The following ABR variants were observed in gnomAD, a reference collection of about 807,000 sequenced individuals.
ABR encodes the protein active breakpoint cluster region-related protein.
Under a neutral mutation model 107.2 loss-of-function variants are expected in ABR, and 35 were observed. The ratio of observed to expected loss-of-function variants is 0.33; its 90% CI spans 0.25 to 0.43. ABR has a LOEUF of 0.43. Among genes scored for constraint, ABR ranks in the 20% least tolerant of loss-of-function variants. ABR has a pLI of 1.00. For missense variants in ABR, 815 were observed against 1,115.2 expected, an observed-to-expected ratio of 0.73 and a Z score of 3.83; for synonymous variants, 498 against 462.0, an observed-to-expected ratio of 1.08 and a Z score of -1.00.
Position 1,032,659 on chromosome 17 carries a change from C to T in ABR, c.1791+17391G>A, listed in dbSNP as rs183910672. Among the ~76,000 whole-genome samples the T allele has an allele frequency of 1.2e-3, 182 of 149,818 alleles. 3 individuals carry two copies. Among genetic ancestry groups the T allele is most frequent in the African/African-American group, 4.1e-3 (168 of 41,084 alleles). ...GGCAACCACCCGTGTCCGTGCTGGG[C>T]GCCTTGAGAGAGAGAAGAACTTGTT... is the stretch of plus-strand genomic sequence containing the variant. On this transcript the variant is annotated intron_variant, in intron 16 of 22. Transcript: ENST00000302538.
In ABR at chr17:1,210,119, G is replaced by A. The variant is rs765351027; in HGVS notation, c.838+18674C>T. 9.2e-5 allele frequency among the ~76,000 whole-genome samples: 14 copies of A among 152,318 alleles called. No individual in the cohort carries two copies. Among genetic ancestry groups the A allele is most frequent in the Non-Finnish European group, 2.1e-4 (14 of 68,038 alleles). On this transcript the variant is annotated intron_variant, in intron 1 of 22. Transcript: ENST00000574139. The surrounding 1 kb of genome is among the most constrained non-coding windows in gnomAD (Gnocchi z 5.6). Reference sequence around the variant, plus strand: ...ACGGCTGATCTCTTAGAGAGACAGGGAGAAAGTAGAGGTAGAAAGTAACAG... The same window carrying A: ...ACGGCTGATCTCTTAGAGAGACAGGAAGAAAGTAGAGGTAGAAAGTAACAG...
intron 6 of ABR, chr17:1,079,058 G>A: frequency 7.0e-7 from 1 of 1,433,350 alleles, no homozygotes; most frequent in Non-Finnish European, 9.1e-7. Flanking sequence ...GGGAAGGGGA[G>A]GAGGGGTAGG....
chr17:1,012,500 G>C (rs531718321), intron 18 of ABR, 188 bp downstream of exon 18: 3 of 701,368 alleles, frequency 4.3e-6, no homozygotes, highest in East Asian at 5.4e-5. Context: ...GCTGGCTCGC[G>C]TGCTTCTGAA....
Position 1,079,357 on chromosome 17 carries a change from C to T in ABR, c.673G>A (p.Asp225Asn). The change falls in exon 6 of 23, where the codon GAC becomes AAC. Residue 225 changes from aspartate to asparagine, a missense_variant. Physicochemically the swap from Asp to Asn is conservative, Grantham distance 23 (BLOSUM62 1). Transcript: ENST00000302538. ...LKVKGPKDSK[D>N]SHTSVTMEAL... Reference sequence around the variant, plus strand: ...TCCATGGTGACAGACGTGTGGCTGTCCTTGGAGTCCTTGGGACCTTTCACT... The same window carrying T: ...TCCATGGTGACAGACGTGTGGCTGTTCTTGGAGTCCTTGGGACCTTTCACT... 2 of 1,613,632 alleles carry T rather than the reference C, an allele frequency of 1.2e-6. No individual in the cohort carries two copies. The highest frequency in any genetic ancestry group is 1.6e-4 in the Middle Eastern group (1 of 6,062).
intron 2 of ABR, among the ~76,000 whole-genome samples, chr17:1,102,622 G>T (rs114998434): frequency 6.6e-6 from 1 of 152,252 alleles, no homozygotes; most frequent in Non-Finnish European, 1.5e-5. Context: ...GTCCTGGGCC[G>T]TATGGCCGCA....
chr17:1,204,051 C>T (rs2042740360), intron 1 of ABR, among the ~76,000 whole-genome samples: 1 of 152,252 alleles, frequency 6.6e-6, no homozygotes, highest in Admixed American at 6.5e-5. Flanking sequence ...CAGTCCACTC[C>T]TCCCGGCCTC....
chr17:1,019,144 C>T (rs888429603), intron 16 of ABR, among the ~76,000 whole-genome samples: 17 of 152,196 alleles, frequency 1.1e-4, no homozygotes, highest in Non-Finnish European at 2.2e-4. Context: ...TGCCTCGTGC[C>T]CATCACTTCC....
Position 1,010,088 on chromosome 17 carries a change from G to GGTCTGT in ABR, c.2237-310_2237-305dup, listed in dbSNP as rs1203578562. ...CCTGTCTCGTAACAGGACACCCCCT[G>GGTCTGT]GTCTGTGTGGCTAAGGTTAAGCCAG... is the stretch of plus-strand genomic sequence containing the variant. On this transcript the variant is annotated intron_variant, in intron 20 of 22. Coordinates refer to ENST00000302538, the MANE Select transcript of ABR (RefSeq NM_021962.5). This position sits in a 1 kb window ranked among gnomAD's most constrained non-coding sequence, Gnocchi z 4.1. The GGTCTGT allele has an allele frequency of 6.1e-6, 3 of 495,412 alleles. No individual in the cohort carries two copies. Among genetic ancestry groups the GGTCTGT allele is most frequent in the East Asian group, 6.8e-5 (2 of 29,212 alleles). 30.7% of individuals were successfully genotyped at this position (495,412 alleles called of 1,614,324 possible).
chr17:1,025,585 C>T (rs2072130361), intron 16 of ABR, among the ~76,000 whole-genome samples: 1 of 152,352 alleles, frequency 6.6e-6, no homozygotes, highest in South Asian at 2.1e-4. Flanking sequence ...CCTCTGAGCA[C>T]ACCTGCCTCG....
chr17:1,093,038 G>T (rs1353040191), intron 3 of ABR, among the ~76,000 whole-genome samples: 1 of 151,836 alleles, frequency 6.6e-6, no homozygotes, highest in African/African-American at 2.4e-5. Context: ...AGCCAGGATG[G>T]TCTTGATCTC....
Position 1,102,824 on chromosome 17 carries a change from C to T in ABR, c.247-2089G>A, listed in dbSNP as rs567905121. ...CTCCCAGGTTCAAGCGATTCTCCTG[C>T]CTCAGCCTCCCGAGTACCTGGGATT... On this transcript the variant is annotated intron_variant, in intron 2 of 22. Coordinates refer to ENST00000302538, the MANE Select transcript of ABR (RefSeq NM_021962.5). Among the ~76,000 whole-genome samples the T allele has an allele frequency of 2.6e-5, 4 of 152,276 alleles. No homozygotes were observed. The South Asian group carries it at 6.2e-4, about 24-fold the overall frequency.
intron 5 of ABR, 46 bp downstream of exon 5, chr17:1,083,474 C>T (rs781617917): frequency 1.4e-6 from 2 of 1,465,686 alleles, no homozygotes; most frequent in Admixed American, 3.8e-5. Context: ...TGAGCAGCCC[C>T]CAAAGCTCCT....
At chr17:1,166,602 G>T (rs2041517796) in intron 1 of ABR, among the ~76,000 whole-genome samples, 1 of 152,210 alleles carries the variant, frequency 6.6e-6, no homozygotes, top group Non-Finnish European at 1.5e-5. Context: ...AGTTTATCCT[G>T]CAGGAAGGAG....
At chr17:1,184,327 C>T (rs928951300), upstream of ABR, among the ~76,000 whole-genome samples, 3 of 151,822 alleles carry the variant, frequency 2.0e-5, no homozygotes, top group East Asian at 1.9e-4. Flanking sequence ...TGGTGGCGGG[C>T]GCCTGTAGTC....
intron 10 of ABR, among the ~76,000 whole-genome samples, chr17:1,063,041 CGCTGTTGTTATGTGA>C (rs2034228070): frequency 1.6e-5 from 2 of 128,210 alleles, no homozygotes; most frequent in African/African-American, 5.7e-5. Context: ...TTCCTCTAGA[CGCTGTTGTTATGTGA>C]ACTGAGGGCT....
rs1597451664 is a variant in ABR at position 1,031,371 on chromosome 17, A to T, written c.1792-18207T>A. On this transcript the variant is annotated intron_variant, in intron 16 of 22. Coordinates refer to ENST00000302538, the MANE Select transcript of ABR (RefSeq NM_021962.5). ...CCGAGAAGAAACCTCCCTTCTCCCG[A>T]GGCAGGGGCAGATGCCCGAGCGCCA... 3.9e-5 allele frequency among the ~76,000 whole-genome samples: 6 copies of T among 152,146 alleles called. No individual in the cohort carries two copies. The East Asian group carries it at 1.2e-3, about 29-fold the overall frequency.
intron 10 of ABR, among the ~76,000 whole-genome samples, chr17:1,059,995 G>A (rs554622576): frequency 3.9e-4 from 59 of 152,350 alleles, no homozygotes; most frequent in Non-Finnish European, 8.8e-5. Flanking sequence ...CTACTGCAGA[G>A]GCACCTGCGC....
chr17:1,085,705 C>A (rs1343858591), intron 4 of ABR, among the ~76,000 whole-genome samples: 2 of 152,072 alleles, frequency 1.3e-5, no homozygotes, highest in Non-Finnish European at 2.9e-5. Context: ...ACAGTGGGTT[C>A]CAAAGCCTTA....
At chr17:1,172,098 G>T (rs2041736078) in intron 1 of ABR, among the ~76,000 whole-genome samples, 1 of 152,192 alleles carries the variant, frequency 6.6e-6, no homozygotes, top group South Asian at 2.1e-4. Context: ...GAGGAAGGAA[G>T]GGCAGGAGGA....
Sources: allele counts gnomAD v4.1 joint callset (sites outside exome capture counted in the v4.1 genomes callset), GRCh38; gene constraint gnomAD v4.1.1; non-coding constraint Gnocchi (gnomAD v3.1); transcripts MANE v1.5; gene names NCBI Gene and HGNC (gene_info 2026-07-23, HGNC 2026-07-21).